The following WWOX variants were observed in gnomAD, a reference collection of about 807,000 sequenced individuals.
The protein encoded by WWOX is WW domain-containing oxidoreductase.
Under a neutral mutation model 46.2 loss-of-function variants are expected in WWOX, and 69 were observed. The ratio of observed to expected loss-of-function variants is 1.49; its 90% CI spans 1.23 to 1.82. WWOX has a LOEUF of 1.82. Among genes scored for constraint, WWOX ranks in the 40% most tolerant of loss-of-function variants. WWOX has a pLI of 0.00. For synonymous variants in WWOX, 359 were observed against 202.6 expected, an observed-to-expected ratio of 1.77 and a Z score of -6.56; for missense variants, 919 against 542.6, an observed-to-expected ratio of 1.69 and a Z score of -6.89.
chr16:78,404,815 C>T (rs560702799), intron 6 of WWOX, among the ~76,000 whole-genome samples: 1 of 152,086 alleles, frequency 6.6e-6, no homozygotes, highest in Non-Finnish European at 1.5e-5. Context: ...TATTAAATGT[C>T]CCCAGGAAGC....
chr16:78,401,592 A>T (rs938950861), intron 6 of WWOX, among the ~76,000 whole-genome samples: 6 of 152,194 alleles, frequency 3.9e-5, no homozygotes, highest in African/African-American at 1.4e-4. Flanking sequence ...GGAAAGGGTG[A>T]GGAACCCCAC....
chr16:78,842,570 G>A (rs192107473), intron 8 of WWOX, among the ~76,000 whole-genome samples: 1 of 152,148 alleles, frequency 6.6e-6, no homozygotes, highest in Non-Finnish European at 1.5e-5. Flanking sequence ...AGTGTACATA[G>A]AATACAAGAG....
At chr16:78,254,956 G>C (rs979409341) in intron 5 of WWOX, among the ~76,000 whole-genome samples, 1 of 152,186 alleles carries the variant, frequency 6.6e-6, no homozygotes, top group African/African-American at 2.4e-5. Context: ...GCCTGGTATG[G>C]AGGGCTGGGA....
intron 5 of WWOX, among the ~76,000 whole-genome samples, chr16:78,267,465 A>C (rs1332432338): frequency 6.6e-6 from 1 of 152,200 alleles, no homozygotes; most frequent in Non-Finnish European, 1.5e-5. Context: ...AGTCAGTGTA[A>C]AGTGTCAGTA....
chr16:78,887,073 GTGT>G, intron 8 of WWOX, among the ~76,000 whole-genome samples: 1 of 22,710 alleles, frequency 4.4e-5, no homozygotes, highest in African/African-American at 6.8e-5. Flanking sequence ...ATGTGTGTGT[GTGT>G]GGTGTGTGTG....
At chr16:78,986,833 G>T (rs987361682) in intron 8 of WWOX, among the ~76,000 whole-genome samples, 2 of 152,082 alleles carry the variant, frequency 1.3e-5, no homozygotes, top group Admixed American at 1.3e-4. Context: ...AGATTTTTGG[G>T]CATCTTTTTG....
intron 5 of WWOX, among the ~76,000 whole-genome samples, chr16:78,317,871 G>C (rs949657558): frequency 6.6e-6 from 1 of 152,112 alleles, no homozygotes; most frequent in African/African-American, 2.4e-5. Flanking sequence ...TTCACTCCCC[G>C]TAAACATCTT....
chr16:78,486,388 G>A (rs1354507476), intron 8 of WWOX, among the ~76,000 whole-genome samples: 5 of 152,158 alleles, frequency 3.3e-5, no homozygotes, highest in African/African-American at 1.2e-4. Context: ...CTTTGAGTAT[G>A]TTTTACCTTT....
At chr16:78,955,069 T>C (rs2046137483) in intron 8 of WWOX, among the ~76,000 whole-genome samples, 1 of 152,176 alleles carries the variant, frequency 6.6e-6, no homozygotes, top group South Asian at 2.1e-4. Flanking sequence ...GGGAATGTAT[T>C]CTTTCCTGAT....
At position 79,160,689 on chromosome 16, in the gene WWOX, G is replaced by T. The variant is rs535251561; in HGVS notation, c.1057-50919G>T. On this transcript the variant is annotated intron_variant, in intron 8 of 8. Transcript: ENST00000566780. The stretch of plus-strand genomic sequence containing the variant: ...ACTGATCACGTCCCATACAATCTTG[G>T]CAGATACTTAGCTGAATTCCATCGA... Among the ~76,000 whole-genome samples, 9 of 152,244 alleles carry T rather than the reference G, an allele frequency of 5.9e-5. No homozygotes were observed. In the South Asian group the frequency reaches 1.9e-3, roughly 32 times the overall value.
intron 8 of WWOX, among the ~76,000 whole-genome samples, chr16:78,952,377 T>C (rs1396910829): frequency 6.9e-6 from 1 of 145,910 alleles, no homozygotes; most frequent in East Asian, 2.0e-4. Flanking sequence ...GTTTTTTTGT[T>C]TTTTGAGTTT....
In WWOX at chr16:79,093,385, G is replaced by C. The variant is rs948611249; in HGVS notation, c.1057-118223G>C. The stretch of plus-strand genomic sequence containing the variant: ...TTAAAAAATGAGTCCTTTCAATTAT[G>C]AGATCAAAAAGAAATGTTCAGTGGC... On this transcript the variant is annotated intron_variant, in intron 8 of 8. Coordinates refer to ENST00000566780, the MANE Select transcript of WWOX (RefSeq NM_016373.4). Among the ~76,000 whole-genome samples, 3 of 152,122 alleles carry C rather than the reference G, an allele frequency of 2.0e-5. No individual in the cohort carries two copies. In the South Asian group the frequency reaches 6.2e-4, roughly 31 times the overall value.
chr16:78,680,970 C>A (rs1366167264), intron 8 of WWOX, among the ~76,000 whole-genome samples: 3 of 151,986 alleles, frequency 2.0e-5, no homozygotes, highest in Non-Finnish European at 2.9e-5. Flanking sequence ...AAATTTAGGC[C>A]ATACTTAGTG....
chr16:78,956,793 C>A (rs548215142), intron 8 of WWOX, among the ~76,000 whole-genome samples: 1 of 152,230 alleles, frequency 6.6e-6, no homozygotes, highest in Admixed American at 6.5e-5. Flanking sequence ...GTAGGGGAAA[C>A]AAAGAGGGCA....
At chr16:78,694,639 C>T (rs1275391352) in intron 8 of WWOX, among the ~76,000 whole-genome samples, 1 of 152,188 alleles carries the variant, frequency 6.6e-6, no homozygotes, top group Non-Finnish European at 1.5e-5. Context: ...TCTGCATGCC[C>T]ATGTAAATAC....
intron 8 of WWOX, among the ~76,000 whole-genome samples, chr16:79,026,820 G>A (rs1184911101): frequency 1.0e-4 from 15 of 144,866 alleles, no homozygotes; most frequent in South Asian, 4.3e-4. Context: ...TAATAGAGAC[G>A]GGGTTTCACC....
At chr16:78,546,899 G>A (rs1483980445) in intron 8 of WWOX, among the ~76,000 whole-genome samples, 2 of 152,062 alleles carry the variant, frequency 1.3e-5, no homozygotes, top group Non-Finnish European at 2.9e-5. Context: ...GGCTGAGGCG[G>A]GTGGATCACT....
At chr16:78,160,364 A>G (rs191607716) in intron 4 of WWOX, among the ~76,000 whole-genome samples, 2 of 151,996 alleles carry the variant, frequency 1.3e-5, no homozygotes, top group East Asian at 3.9e-4. Flanking sequence ...GGCTCAAGCG[A>G]TCCACCCGCC....
intron 5 of WWOX, among the ~76,000 whole-genome samples, chr16:78,213,340 A>C (rs2036620009): frequency 6.6e-6 from 1 of 151,688 alleles, no homozygotes; most frequent in African/African-American, 2.4e-5. Context: ...CCCTAATATA[A>C]GGGAGCATGG....
Sources: gnomAD v4.1 joint callset for allele counts (sites outside exome capture counted in the v4.1 genomes callset) on GRCh38, gnomAD v4.1.1 for gene constraint, MANE v1.5 for transcripts, NCBI Gene and HGNC (gene_info 2026-07-23, HGNC 2026-07-21) for gene names.